COLGALT2: variants seen among roughly 807,000 people sequenced by gnomAD.
COLGALT2 encodes procollagen galactosyltransferase 2.
COLGALT2 carries 49 observed loss-of-function variants against 73.4 expected under a neutral mutation model. The ratio of observed to expected loss-of-function variants is 0.67; its 90% CI spans 0.53 to 0.85. COLGALT2 has a LOEUF of 0.85. COLGALT2 is among the 40% of genes least tolerant of loss of function. The probability of loss-of-function intolerance (pLI) is 0.00; values close to 1 mark genes in which losing one functional copy is unlikely to be tolerated. For synonymous variants in COLGALT2, 295 were observed against 307.6 expected, an observed-to-expected ratio of 0.96 and a Z score of 0.43; for missense variants, 722 against 790.2, an observed-to-expected ratio of 0.91 and a Z score of 1.03.
At chr1:183,956,158 A>G (rs922474409) in intron 6 of COLGALT2, among the ~76,000 whole-genome samples, 2 of 152,230 alleles carry the variant, frequency 1.3e-5, no homozygotes, top group African/African-American at 4.8e-5. Context: ...ATATTCCAGC[A>G]TAACTTTGCC....
chr1:184,017,130 C>T (rs912439357), intron 1 of COLGALT2, among the ~76,000 whole-genome samples: 6 of 152,186 alleles, frequency 3.9e-5, no homozygotes, highest in Non-Finnish European at 2.9e-5. Context: ...ATGTTATGTA[C>T]TTGGACATAC....
intron 9 of COLGALT2, among the ~76,000 whole-genome samples, 197 bp from the exon 10 acceptor site, chr1:183,944,520 C>T (rs571817292): frequency 4.6e-5 from 7 of 152,234 alleles, no homozygotes; most frequent in South Asian, 2.1e-4. Context: ...CACAATTAAA[C>T]GCAACGTTAT....
chr1:184,034,960 A>G (rs1649626431), intron 1 of COLGALT2, among the ~76,000 whole-genome samples: 1 of 152,216 alleles, frequency 6.6e-6, no homozygotes, highest in African/African-American at 2.4e-5. Context: ...TGGGATTTGT[A>G]TTATTGTTAC....
rs142177019 is a variant in COLGALT2, at chr1:183,935,983, T to A, written c.*2778A>T. On this transcript the variant is annotated 3_prime_UTR_variant, in exon 12 of 12. Coordinates refer to ENST00000361927, the MANE Select transcript of COLGALT2 (RefSeq NM_015101.4). ...GTTCTCAGAGCTCCTGCAGCAGGCCTGAATGAACCGCAAGCGGGGCCCATG... is the reference window on the plus strand; with the variant it reads ...GTTCTCAGAGCTCCTGCAGCAGGCCAGAATGAACCGCAAGCGGGGCCCATG... 604 of 983,298 alleles carry A rather than the reference T, an allele frequency of 6.1e-4. 2 individuals are homozygous for A. The African/African-American group carries it at 0.01, about 16-fold the overall frequency. The allele number at this position is 983,298 out of a possible 1,614,324, so 60.9% of individuals were successfully genotyped here. A position where few individuals can be genotyped will look rare whatever the true frequency, so the allele number is the denominator to read the frequency against.
chr1:184,036,913 G>T (rs1309192352), intron 1 of COLGALT2, among the ~76,000 whole-genome samples, 182 bp downstream of exon 1: 1 of 152,118 alleles, frequency 6.6e-6, no homozygotes, highest in Non-Finnish European at 1.5e-5. Context: ...TCCGCAGCCT[G>T]ACCGCCCGAT....
At chr1:183,954,734 T>G in intron 7 of COLGALT2, 28 bp downstream of exon 7, 5 of 1,555,640 alleles carry the variant, frequency 3.2e-6, no homozygotes, top group Non-Finnish European at 4.4e-6. Context: ...CGCGTGCATG[T>G]GCACACACAT....
chr1:184,026,116 G>T (rs377191079), intron 1 of COLGALT2, among the ~76,000 whole-genome samples: 3 of 152,168 alleles, frequency 2.0e-5, no homozygotes, highest in Admixed American at 2.0e-4. Context: ...AGCCTAGCAT[G>T]AGCAATGCTT....
chr1:183,945,429 T>G lies in COLGALT2; in HGVS notation c.1269+3A>C. The G allele has an allele frequency of 6.2e-7, 1 of 1,613,780 alleles. No individual in the cohort carries two copies. The highest frequency in any genetic ancestry group is 8.5e-7 in the Non-Finnish European group (1 of 1,179,940). On this transcript the variant is annotated splice_donor_region_variant and intron_variant, in intron 9 of 11. Coordinates refer to ENST00000361927, the MANE Select transcript of COLGALT2 (RefSeq NM_015101.4). ...ACTGCAATCTGAATAAAGCATTATT[T>G]ACCTCTTTCCAGACTGAGTAGTGGC...
At position 183,936,828 on chromosome 1, in the gene COLGALT2, G is replaced by A. The variant is rs113497707; in HGVS notation, c.*1933C>T. Reference sequence around the variant, plus strand: ...TTGGGTGAGTTCCCTTTCCTCCAGCGGCCTAGCTTGCTGGTCAGTGTAGAA... The same window carrying A: ...TTGGGTGAGTTCCCTTTCCTCCAGCAGCCTAGCTTGCTGGTCAGTGTAGAA... On this transcript the variant is annotated 3_prime_UTR_variant, in exon 12 of 12. Transcript: ENST00000361927. The A allele has an allele frequency of 5.9e-4, 722 of 1,231,668 alleles. 3 individuals carry two copies. The African/African-American group carries it at 0.01, about 17-fold the overall frequency. The allele number at this position is 1,231,668 out of a possible 1,614,324, so 76.3% of individuals were successfully genotyped here.
intron 1 of COLGALT2, among the ~76,000 whole-genome samples, chr1:184,023,657 G>C (rs918069697): frequency 6.7e-6 from 1 of 148,596 alleles, no homozygotes; most frequent in Non-Finnish European, 1.5e-5. Context: ...GGGGGGGGGC[G>C]GTGCCGGAAG....
chr1:183,958,863 T>A (rs908090632), intron 6 of COLGALT2, among the ~76,000 whole-genome samples: 17 of 151,724 alleles, frequency 1.1e-4, no homozygotes, highest in South Asian at 2.1e-4. Flanking sequence ...TCTATTTTTT[T>A]AAAAAAACAG....
chr1:184,028,159 T>G (rs1240012487), intron 1 of COLGALT2, among the ~76,000 whole-genome samples: 4 of 152,194 alleles, frequency 2.6e-5, no homozygotes, highest in African/African-American at 9.6e-5. Context: ...AACAGTCTAT[T>G]AGTCCAGCAA....
At position 183,938,176 on chromosome 1, in the gene COLGALT2, T is replaced by C. The variant is rs1373083992; in HGVS notation, c.*585A>G. The stretch of plus-strand genomic sequence containing the variant: ...TCAGTCGGACCCAAATACCCACCCC[T>C]ACTGGATAACAGGGACTAAGATTTT... On this transcript the variant is annotated 3_prime_UTR_variant, in exon 12 of 12. Transcript: ENST00000361927. 2.0e-6 allele frequency: 2 copies of C among 985,802 alleles called. No homozygotes were observed. The highest frequency in any genetic ancestry group is 2.4e-6 in the Non-Finnish European group (2 of 830,770). The allele number at this position is 985,802 out of a possible 1,614,324, so 61.1% of individuals were successfully genotyped here. A position where few individuals can be genotyped will look rare whatever the true frequency, so the allele number is the denominator to read the frequency against.
chr1:184,009,920 C>T (rs764178987), intron 1 of COLGALT2, among the ~76,000 whole-genome samples: 12 of 152,176 alleles, frequency 7.9e-5, no homozygotes, highest in East Asian at 7.7e-4. Context: ...CTAAGTAACA[C>T]GAAAGCACTG....
At chr1:184,025,000 A>C (rs1015712500) in intron 1 of COLGALT2, among the ~76,000 whole-genome samples, 1 of 152,188 alleles carries the variant, frequency 6.6e-6, no homozygotes. Context: ...GGGCAAGGAG[A>C]GTTCAGCAAA....
rs74133055 is a variant in COLGALT2, at chr1:183,950,978, T to C, written c.1136+29A>G. On this transcript the variant is annotated intron_variant, in intron 8 of 11. Transcript: ENST00000361927. ...AAGACACATCCACACTCCAATCACA[T>C]CTGCAATGGGAGAAGAAACCCAACT... 3.2e-3 allele frequency: 4,752 copies of C among 1,490,666 alleles called. 119 individuals carry two copies. The African/African-American group carries it at 0.058, about 18-fold the overall frequency. 92.3% of individuals were successfully genotyped at this position (1,490,666 alleles called of 1,614,324 possible).
Position 183,978,623 on chromosome 1 carries a change from G to A in COLGALT2, c.264-103C>T, listed in dbSNP as rs943257571. ...ACTGAAAGAAGAATGGCTACTCCTG[G>A]AAAAAAAATTGTATATATGAAAATA... On this transcript the variant is annotated intron_variant, in intron 1 of 11. Coordinates refer to ENST00000361927, the MANE Select transcript of COLGALT2 (RefSeq NM_015101.4). 1,048 of 550,400 alleles carry A rather than the reference G, an allele frequency of 1.9e-3. 7 individuals carry two copies. The highest frequency in any genetic ancestry group is 0.013 in the African/African-American group (702 of 52,194). 34.1% of individuals were successfully genotyped at this position (550,400 alleles called of 1,614,324 possible).
chr1:183,975,019 C>T, intron 3 of COLGALT2, 78 bp downstream of exon 3: 10 of 1,002,160 alleles, frequency 1.0e-5, no homozygotes, highest in Non-Finnish European at 1.5e-5. Flanking sequence ...TGATTGCTTC[C>T]ATGGTTCTAG....
Position 183,938,592 on chromosome 1 carries a change from C to T in COLGALT2, c.*169G>A. On this transcript the variant is annotated 3_prime_UTR_variant, in exon 12 of 12. Coordinates refer to ENST00000361927, the MANE Select transcript of COLGALT2 (RefSeq NM_015101.4). ...TTGGGTTGAATTTCCTTATTTCCTT[C>T]CATGGTCAAAAATATGTTAATTTCG... The T allele has an allele frequency of 7.0e-7, 1 of 1,424,930 alleles. No individual in the cohort carries two copies. Among genetic ancestry groups the T allele is most frequent in the South Asian group, 1.6e-5 (1 of 62,616 alleles). The allele number at this position is 1,424,930 out of a possible 1,614,324, so 88.3% of individuals were successfully genotyped here.
Sources: allele counts gnomAD v4.1 joint callset (sites outside exome capture counted in the v4.1 genomes callset), GRCh38; gene constraint gnomAD v4.1.1; transcripts MANE v1.5; gene names NCBI Gene and HGNC (gene_info 2026-07-23, HGNC 2026-07-21).